The following ELAVL3 variants were observed in gnomAD, a reference collection of about 807,000 sequenced individuals.
The protein encoded by ELAVL3 is ELAV-like protein 3.
Under a neutral mutation model 34.2 loss-of-function variants are expected in ELAVL3, and 8 were observed. The observed-to-expected ratio is 0.23, with a 90% CI of 0.14 to 0.42. The LOEUF is 0.42. Ranked by LOEUF, ELAVL3 falls within the 10% of genes least tolerant of loss-of-function variation. The pLI, the probability that ELAVL3 is intolerant of heterozygous loss-of-function variation, is 1.00. For missense variants in ELAVL3, 273 were observed against 518.8 expected (o/e 0.53, Z 4.60); for synonymous variants, 209 against 222.1 (o/e 0.94, Z 0.53).
intron 3 of ELAVL3, among the ~76,000 whole-genome samples, chr19:11,465,274 CACAT>C (rs1229028858): frequency 1.8e-5 from 2 of 110,552 alleles, no homozygotes; most frequent in South Asian, 2.7e-4. Context: ...ATACACCACA[CACAT>C]ACACACACAC....
rs770675835 is a variant in ELAVL3 at position 11,466,320 on chromosome 19, A to G, written c.230-45T>C. On this transcript the variant is annotated intron_variant, in intron 2 of 6. Coordinates refer to ENST00000359227, the MANE Select transcript of ELAVL3 (RefSeq NM_001420.4). This position sits in a 1 kb window ranked among gnomAD's most constrained non-coding sequence, Gnocchi z 5.0. The stretch of plus-strand genomic sequence containing the variant: ...GATGACCTTCCCACCCAGCCTTGAC[A>G]CCTGCCAGTGTCCCACCTCAGGCCT... 1.3e-6 allele frequency: 2 copies of G among 1,560,190 alleles called. No individual in the cohort carries two copies. Among genetic ancestry groups the G allele is most frequent in the African/African-American group, 2.7e-5 (2 of 73,604 alleles).
intron 1 of ELAVL3, among the ~76,000 whole-genome samples, chr19:11,467,743 CA>C: frequency 6.6e-6 from 1 of 151,936 alleles, no homozygotes; most frequent in South Asian, 2.1e-4. Flanking sequence ...CTCCGCCTCC[CA>C]ATGTGCTGGG....
chr19:11,466,514 C>G lies in ELAVL3; in HGVS notation c.229+94G>C. ...GACCACCTCCTGCCTCGATTACCCCCGAGACACCTCAGCAAGGGTCCCACC... is the reference window on the plus strand; with the variant it reads ...GACCACCTCCTGCCTCGATTACCCCGGAGACACCTCAGCAAGGGTCCCACC... On this transcript the variant is annotated intron_variant, in intron 2 of 6. Transcript: ENST00000359227. The surrounding 1 kb of genome is among the most constrained non-coding windows in gnomAD (Gnocchi z 5.0). The G allele has an allele frequency of 1.4e-6, 2 of 1,423,756 alleles. No homozygotes were observed. The highest frequency in any genetic ancestry group is 1.9e-6 in the Non-Finnish European group (2 of 1,027,152). The allele number at this position is 1,423,756 out of a possible 1,614,324, so 88.2% of individuals were successfully genotyped here. A position where few individuals can be genotyped will look rare whatever the true frequency, so the allele number is the denominator to read the frequency against.
intron 5 of ELAVL3, 49 bp from the exon 6 acceptor site, chr19:11,457,197 C>A (rs1599528838): frequency 2.0e-6 from 3 of 1,528,924 alleles, no homozygotes; most frequent in South Asian, 2.5e-5. Context: ...TCACGCCCCC[C>A]TGCTGTGACA....
Position 11,454,469 on chromosome 19 carries a change from TTCTC to T in ELAVL3, c.*53_*56del, listed in dbSNP as rs35334288. ...GCCCCTTCTCTCTCTCTCTCTCTCT[TTCTC>T]TCTCTCTCTCTCTGCTGCCCGGGGA... On this transcript the variant is annotated 3_prime_UTR_variant, in exon 7 of 7. Coordinates refer to ENST00000359227, the MANE Select transcript of ELAVL3 (RefSeq NM_001420.4). This position sits in a 1 kb window ranked among gnomAD's most constrained non-coding sequence, Gnocchi z 9.2. 2,347 of 1,147,140 alleles carry T rather than the reference TTCTC, an allele frequency of 2.0e-3. No individual in the cohort carries two copies. Among genetic ancestry groups the T allele is most frequent in the Middle Eastern group, 2.6e-3 (9 of 3,444 alleles). 71.1% of individuals were successfully genotyped at this position (1,147,140 alleles called of 1,614,324 possible).
At chr19:11,464,961 G>A (rs373692657) in intron 3 of ELAVL3, among the ~76,000 whole-genome samples, 2,712 of 42,908 alleles carry the variant, frequency 0.063, 116 homozygotes, top group African/African-American at 0.21. Context: ...CCACACACAC[G>A]CACCAGACAC....
chr19:11,472,789 G>T (rs1266407138), intron 1 of ELAVL3, among the ~76,000 whole-genome samples: 1 of 152,158 alleles, frequency 6.6e-6, no homozygotes, highest in African/African-American at 2.4e-5. Context: ...AAGAAGCCAG[G>T]CGTGGTGGCT....
chr19:11,479,578 C>T (rs1305504416), intron 1 of ELAVL3, among the ~76,000 whole-genome samples: 3 of 151,700 alleles, frequency 2.0e-5, no homozygotes, highest in Non-Finnish European at 4.4e-5. Context: ...TGGCCAGCCC[C>T]GCCCCCGGGA....
At chr19:11,475,451 C>G (rs1288715581) in intron 1 of ELAVL3, among the ~76,000 whole-genome samples, 1 of 152,028 alleles carries the variant, frequency 6.6e-6, no homozygotes. Flanking sequence ...ACTACAAGTG[C>G]AATTCATCAT....
At position 11,451,605 on chromosome 19, in the gene ELAVL3, A is replaced by C. The variant is rs1344045259; in HGVS notation, c.*2921T>G. 1 of 147,374 alleles carries C rather than the reference A, an allele frequency of 6.8e-6. No homozygotes were observed. Among genetic ancestry groups the C allele is most frequent in the Non-Finnish European group, 1.5e-5 (1 of 67,148 alleles). 9.1% of individuals were successfully genotyped at this position (147,374 alleles called of 1,614,324 possible). ...GATGAAGGGAGGGGTGGAGGGGCTGAGCCCCCTCCCCCCTGGCCTGGCCCC... is the reference window on the plus strand; with the variant it reads ...GATGAAGGGAGGGGTGGAGGGGCTGCGCCCCCTCCCCCCTGGCCTGGCCCC... On this transcript the variant is annotated 3_prime_UTR_variant, in exon 7 of 7. Transcript: ENST00000359227.
chr19:11,467,162 C>T (rs1455626323), intron 1 of ELAVL3, among the ~76,000 whole-genome samples: 1 of 152,158 alleles, frequency 6.6e-6, no homozygotes, highest in Admixed American at 6.6e-5. Context: ...GTGGCTCACG[C>T]CCCTAATCTC....
chr19:11,480,704 C>A lies in ELAVL3; in HGVS notation c.-96G>T. On this transcript the variant is annotated 5_prime_UTR_variant, in exon 1 of 7. Transcript: ENST00000359227. The surrounding 1 kb of genome is among the most constrained non-coding windows in gnomAD (Gnocchi z 6.8). ...CCGATGCTCACGCTGGGGTCCCGCC[C>A]GGGCGGCCTCTGGTGCGGCCGCTGC... 8.1e-7 allele frequency: 1 copy of A among 1,239,830 alleles called. No homozygotes were observed. The highest frequency in any genetic ancestry group is 1.1e-6 in the Non-Finnish European group (1 of 948,168). 76.8% of individuals were successfully genotyped at this position (1,239,830 alleles called of 1,614,324 possible). A position where few individuals can be genotyped will look rare whatever the true frequency, so the allele number is the denominator to read the frequency against.
At chr19:11,477,696 T>A (rs1394412388) in intron 1 of ELAVL3, among the ~76,000 whole-genome samples, 1 of 150,828 alleles carries the variant, frequency 6.6e-6, no homozygotes, top group East Asian at 1.9e-4. Context: ...TCCCTATTTT[T>A]TTTTTTTTTT....
chr19:11,457,280 G>A (rs940777485), intron 5 of ELAVL3, 132 bp from the exon 6 acceptor site: 24 of 887,550 alleles, frequency 2.7e-5, no homozygotes, highest in Non-Finnish European at 3.2e-5. Context: ...CCTGCTCCCC[G>A]CCCGCCCGGC....
Position 11,466,185 on chromosome 19 carries a change from G to A in ELAVL3, c.320C>T (p.Thr107Met), listed in dbSNP as rs1016044157. The change falls in exon 3 of 7, where the codon ACG becomes ATG. Residue 107 changes from threonine to methionine, a missense_variant. Physicochemically the swap from Thr to Met is moderately conservative, Grantham distance 81. Transcript: ENST00000359227. The surrounding 1 kb of genome is among the most constrained non-coding windows in gnomAD (Gnocchi z 5.0). ...INTLNGLKLQ[T>M]KTIKVSYARP... ...GGAGGCACCAACCTTGATGGTCTTC[G>A]TCTGTAATTTGAGGCCGTTGAGGGT... The A allele has an allele frequency of 5.6e-6, 9 of 1,613,684 alleles. No homozygotes were observed. Among genetic ancestry groups the A allele is most frequent in the African/African-American group, 2.7e-5 (2 of 74,844 alleles).
intron 3 of ELAVL3, among the ~76,000 whole-genome samples, chr19:11,461,492 CTTCA>C (rs1369783658): frequency 7.8e-6 from 1 of 128,258 alleles, no homozygotes; most frequent in African/African-American, 3.0e-5. Flanking sequence ...TCCTTCCTTC[CTTCA>C]TTCCTTCCTT....
Position 11,458,465 on chromosome 19 carries a change from C to T in ELAVL3, c.480G>A (p.Gln160=). ...RIITSRILVD[Q]VTGVSRGVGF... ...CCTCCCTGACTGCCTGACCTGTGAC[C>T]TGGTCCACCAGGATGCGGGACGTGA... Residue 160 remains glutamine, a synonymous_variant, in exon 4 of 7, where the codon CAG becomes CAA. Transcript: ENST00000359227. The surrounding 1 kb of genome is among the most constrained non-coding windows in gnomAD (Gnocchi z 7.3). The T allele has an allele frequency of 1.9e-6, 3 of 1,614,130 alleles. No individual in the cohort carries two copies. The highest frequency in any genetic ancestry group is 2.5e-6 in the Non-Finnish European group (3 of 1,180,042).
At chr19:11,460,834 C>CA (rs1198575541) in intron 3 of ELAVL3, among the ~76,000 whole-genome samples, 1 of 151,994 alleles carries the variant, frequency 6.6e-6, no homozygotes, top group Admixed American at 6.6e-5. Flanking sequence ...TCCAACCCAA[C>CA]AACGAAACTC....
At chr19:11,470,205 A>G (rs1279920287) in intron 1 of ELAVL3, among the ~76,000 whole-genome samples, 1 of 151,902 alleles carries the variant, frequency 6.6e-6, no homozygotes, top group African/African-American at 2.4e-5. Context: ...AAATACCACA[A>G]TTAGCCAGGT....
Sources: gnomAD v4.1 joint callset for allele counts (sites outside exome capture counted in the v4.1 genomes callset) on GRCh38, gnomAD v4.1.1 for gene constraint, Gnocchi (gnomAD v3.1) non-coding constraint, MANE v1.5 for transcripts, NCBI Gene and HGNC (gene_info 2026-07-23, HGNC 2026-07-21) for gene names.